EYA3: variants seen among roughly 807,000 people sequenced by gnomAD.
EYA3 encodes the protein protein phosphatase EYA3.
In EYA3, 39 loss-of-function variants were observed where a neutral mutation model predicts 80.0. The ratio of observed to expected loss-of-function variants is 0.49; its 90% CI spans 0.38 to 0.64. EYA3 has a LOEUF of 0.64. Among genes scored for constraint, EYA3 ranks in the 30% least tolerant of loss-of-function variants. The pLI is 0.00. For synonymous variants in EYA3, 206 were observed against 232.8 expected (o/e 0.88, Z 1.05); for missense variants, 523 against 676.1 (o/e 0.77, Z 2.51).
In EYA3 at chr1:28,013,599, C is replaced by T. The variant is rs773478011; in HGVS notation, c.586-305G>A. 6.6e-6 allele frequency among the ~76,000 whole-genome samples: 1 copy of T among 152,064 alleles called. No homozygotes were observed. Among genetic ancestry groups the T allele is most frequent in the African/African-American group, 2.4e-5 (1 of 41,392 alleles). On this transcript the variant is annotated intron_variant, in intron 8 of 17. Coordinates refer to ENST00000373871, the MANE Select transcript of EYA3 (RefSeq NM_001990.4). The surrounding 1 kb of genome is among the most constrained non-coding windows in gnomAD (Gnocchi z 4.0). ...CTTTTTGTACTCTAACAGCCTCTTCCCCCAGTTTTATGTACCGAATTTCTG... is the reference window on the plus strand; with the variant it reads ...CTTTTTGTACTCTAACAGCCTCTTCTCCCAGTTTTATGTACCGAATTTCTG...
chr1:28,013,336 T>C lies in EYA3; in HGVS notation c.586-42A>G, dbSNP rs745730177. 54 of 1,450,968 alleles carry C rather than the reference T, an allele frequency of 3.7e-5. No homozygotes were observed. The highest frequency in any genetic ancestry group is 5.0e-5 in the Non-Finnish European group (54 of 1,082,558). The allele number at this position is 1,450,968 out of a possible 1,614,324, so 89.9% of individuals were successfully genotyped here. On this transcript the variant is annotated intron_variant, in intron 8 of 17. Coordinates refer to ENST00000373871, the MANE Select transcript of EYA3 (RefSeq NM_001990.4). The surrounding 1 kb of genome is among the most constrained non-coding windows in gnomAD (Gnocchi z 4.0). ...ATAAGAAAACAAGACTCTTATAGCA[T>C]ACATTAATCTCAACACAAGAGGCTT...
In EYA3 at chr1:28,004,402, G is replaced by C. The variant is rs752271434; in HGVS notation, c.927C>G (p.Asp309Glu). ...DSELERVFLWDLDETIIIFHS... is the reference protein window; with the variant it reads ...DSELERVFLWELDETIIIFHS... ...GGAAGATGATGATGGTTTCATCCAA[G>C]TCCCACAGAAATACCCGCTGAGGAA... The change falls in exon 11 of 18, where the codon GAC becomes GAG. Residue 309 changes from aspartate to glutamate, a missense_variant. Transcript: ENST00000373871. The C allele has an allele frequency of 6.2e-7, 1 of 1,608,220 alleles. No individual in the cohort carries two copies. The highest frequency in any genetic ancestry group is 1.3e-5 in the African/African-American group (1 of 74,810).
intron 2 of EYA3, among the ~76,000 whole-genome samples, chr1:28,052,278 A>G (rs1644278496): frequency 6.6e-6 from 1 of 152,172 alleles, no homozygotes; most frequent in Non-Finnish European, 1.5e-5. Flanking sequence ...TGCTGGGATT[A>G]CAGGCATGAG....
intron 1 of EYA3, among the ~76,000 whole-genome samples, chr1:28,059,460 G>C (rs1644542678): frequency 6.6e-6 from 1 of 152,152 alleles, no homozygotes; most frequent in Non-Finnish European, 1.5e-5. Context: ...CCCTGCACTT[G>C]TTTTGCTCAG....
intron 1 of EYA3, among the ~76,000 whole-genome samples, chr1:28,081,879 T>A (rs1350897199): frequency 6.6e-6 from 1 of 152,164 alleles, no homozygotes; most frequent in African/African-American, 2.4e-5. Context: ...AGAAAACTAT[T>A]GAAATGTTTA....
intron 17 of EYA3, among the ~76,000 whole-genome samples, chr1:27,976,166 TGCC>T (rs1205058828): frequency 6.6e-6 from 1 of 152,226 alleles, no homozygotes; most frequent in Non-Finnish European, 1.5e-5. Flanking sequence ...TGTTCAAGAA[TGCC>T]AGACTAGAGG....
chr1:28,043,816 C>T (rs1324538607), intron 3 of EYA3, among the ~76,000 whole-genome samples: 2 of 152,078 alleles, frequency 1.3e-5, no homozygotes, highest in African/African-American at 2.4e-5. Flanking sequence ...CCTGCCTAGG[C>T]GACACAGTGA....
chr1:27,988,115 C>T (rs1336124146), intron 16 of EYA3, among the ~76,000 whole-genome samples: 1 of 152,174 alleles, frequency 6.6e-6, no homozygotes, highest in Non-Finnish European at 1.5e-5. Context: ...AGTGATCCTC[C>T]CGTCTCAGCC....
At chr1:28,040,219 T>C (rs946821919) in intron 4 of EYA3, among the ~76,000 whole-genome samples, 1 of 152,214 alleles carries the variant, frequency 6.6e-6, no homozygotes, top group African/African-American at 2.4e-5. Flanking sequence ...CTTTGAAATA[T>C]ATTCTGAAGG....
At chr1:28,014,055 C>T (rs566171838) in intron 8 of EYA3, among the ~76,000 whole-genome samples, 18 of 151,914 alleles carry the variant, frequency 1.2e-4, no homozygotes, top group South Asian at 6.2e-4. Context: ...AAAGCGAGAC[C>T]CTGTCTCAAA....
intron 17 of EYA3, among the ~76,000 whole-genome samples, chr1:27,975,234 T>G (rs538891134): frequency 6.6e-6 from 1 of 152,222 alleles, no homozygotes; most frequent in Admixed American, 6.5e-5. Context: ...CAGGCTGGAG[T>G]GTAGTGGTAT....
intron 1 of EYA3, among the ~76,000 whole-genome samples, chr1:28,059,664 T>C (rs1644548746): frequency 1.3e-5 from 2 of 151,722 alleles, no homozygotes; most frequent in African/African-American, 4.8e-5. Flanking sequence ...AACAACAAAA[T>C]AGGACCACAT....
intron 5 of EYA3, 21 bp downstream of exon 5, chr1:28,038,818 G>T (rs755410296): frequency 3.1e-5 from 45 of 1,459,262 alleles, no homozygotes. Flanking sequence ...TATGCATTTT[G>T]GAAATAATTA....
chr1:28,040,143 T>C (rs1643695396), intron 4 of EYA3, among the ~76,000 whole-genome samples: 1 of 152,220 alleles, frequency 6.6e-6, no homozygotes. Context: ...CATTATACTA[T>C]AGAAGAATCA....
chr1:28,011,179 G>T, intron 9 of EYA3, 93 bp from the exon 10 acceptor site: 1 of 1,354,646 alleles, frequency 7.4e-7, no homozygotes, highest in Non-Finnish European at 1.0e-6. Flanking sequence ...GCCCTTGTGA[G>T]TCATAATGCA....
intron 6 of EYA3, among the ~76,000 whole-genome samples, chr1:28,034,060 G>A (rs1018161812): frequency 6.6e-6 from 1 of 151,898 alleles, no homozygotes; most frequent in Admixed American, 6.6e-5. Context: ...AGGCTTGGTG[G>A]TGCACACAGC....
intron 1 of EYA3, among the ~76,000 whole-genome samples, chr1:28,072,651 TC>T (rs1327539048): frequency 2.0e-5 from 3 of 152,188 alleles, no homozygotes; most frequent in African/African-American, 7.2e-5. Context: ...GTTCAGCCAG[TC>T]ATGGAAAACA....
At chr1:28,072,510 C>A (rs898458298) in intron 1 of EYA3, among the ~76,000 whole-genome samples, 2 of 151,872 alleles carry the variant, frequency 1.3e-5, no homozygotes, top group African/African-American at 2.4e-5. Context: ...CACACACTTA[C>A]TAGAATGTCT....
chr1:28,012,987 G>A (rs1641794837), intron 9 of EYA3, 124 bp downstream of exon 9: 1 of 1,040,452 alleles, frequency 9.6e-7, no homozygotes, highest in African/African-American at 1.6e-5. Flanking sequence ...CCTCACCTCA[G>A]AGGGAAAGCC....
Sources: allele counts gnomAD v4.1 joint callset (sites outside exome capture counted in the v4.1 genomes callset), GRCh38; gene constraint gnomAD v4.1.1; non-coding constraint Gnocchi (gnomAD v3.1); transcripts MANE v1.5; gene names NCBI Gene and HGNC (gene_info 2026-07-23, HGNC 2026-07-21).